Variants in PZP observed in about 807,000 individuals in gnomAD.
PZP encodes the protein PZP alpha-2-macroglobulin like.
In PZP, 150 loss-of-function variants were observed where a neutral mutation model predicts 179.8. The ratio of observed to expected loss-of-function variants is 0.83; its 90% CI spans 0.73 to 0.96. PZP has a LOEUF of 0.96. Ranked by LOEUF, PZP falls within the 40% of genes least tolerant of loss-of-function variation. The probability of loss-of-function intolerance (pLI) is 0.00; values close to 1 mark genes in which losing one functional copy is unlikely to be tolerated. For synonymous variants in PZP, 624 were observed against 652.3 expected (o/e 0.96, Z 0.66); for missense variants, 1,689 against 1,764.0 (o/e 0.96, Z 0.76).
Position 9,159,965 on chromosome 12 carries a change from C to G in PZP, c.3110G>C (p.Arg1037Pro). 2 of 1,613,746 alleles carry G rather than the reference C, an allele frequency of 1.2e-6. No homozygotes were observed. Among genetic ancestry groups the G allele is most frequent in the Non-Finnish European group, 8.5e-7 (1 of 1,179,708 alleles). Reference sequence around the variant, plus strand: ...AGTGTTGCCCTGGTTCCTGCCATATCGTTCCCCAAAGGTGCTGTAGGAGCC... The same window carrying G: ...AGTGTTGCCCTGGTTCCTGCCATATGGTTCCCCAAAGGTGCTGTAGGAGCC... ...QDGSYSTFGE[R>P]YGRNQGNTWL... The change falls in exon 25 of 36, where the codon CGA (arginine) becomes CCA (proline). Residue 1037 changes from arginine (R) to proline (P), a missense_variant. By Grantham distance (103) the Arg-to-Pro change is moderately radical. Coordinates refer to ENST00000261336, the MANE Select transcript of PZP (RefSeq NM_002864.3).
intron 13 of PZP, among the ~76,000 whole-genome samples, chr12:9,186,097 C>T (rs920309238): frequency 1.3e-5 from 2 of 152,040 alleles, no homozygotes; most frequent in African/African-American, 4.8e-5. Flanking sequence ...TGAGCCACTG[C>T]ACCTGGCCAA....
chr12:9,164,393 C>G (rs916229723), intron 19 of PZP, 134 bp from the exon 20 acceptor site: 12 of 965,626 alleles, frequency 1.2e-5, no homozygotes, highest in Non-Finnish European at 1.8e-5. Context: ...ATAGATTCAT[C>G]CATGCTTTAA....
chr12:9,177,108 C>T (rs188252354), intron 15 of PZP, among the ~76,000 whole-genome samples: 10 of 152,290 alleles, frequency 6.6e-5, no homozygotes, highest in African/African-American at 2.2e-4. Flanking sequence ...CATGCCCGAA[C>T]ATTGTTCGTC....
intron 15 of PZP, among the ~76,000 whole-genome samples, chr12:9,171,132 GT>G (rs1941970023): frequency 6.6e-6 from 1 of 152,206 alleles, no homozygotes; most frequent in African/African-American, 2.4e-5. Flanking sequence ...ACAGGATGGA[GT>G]TTCTAGAGGA....
At chr12:9,201,449 A>G (rs1169224103) in intron 4 of PZP, 102 bp from the exon 5 acceptor site, 1 of 878,430 alleles carries the variant, frequency 1.1e-6, no homozygotes, top group Non-Finnish European at 1.8e-6. Context: ...TATTATCTGT[A>G]GCTAAATTCA....
chr12:9,164,240 G>A lies in PZP; in HGVS notation c.2507C>T (p.Ala836Val), dbSNP rs1941424434. Reference sequence around the variant, plus strand: ...TTGGGAAGCTAGGAAGGCTGGAGAGGCTTTCAGCTGCACACTGACCTATCA... The same window carrying A: ...TTGGGAAGCTAGGAAGGCTGGAGAGACTTTCAGCTGCACACTGACCTATCA... The part of the protein sequence containing the change: ...KCIRVSVQLK[A>V]SPAFLASQNT... Residue 836 changes from alanine to valine, a missense_variant, in exon 20 of 36, where the codon GCC becomes GTC. Coordinates refer to ENST00000261336, the MANE Select transcript of PZP (RefSeq NM_002864.3). The A allele has an allele frequency of 1.9e-6, 3 of 1,613,054 alleles. No homozygotes were observed. Among genetic ancestry groups the A allele is most frequent in the Admixed American group, 3.3e-5 (2 of 59,978 alleles).
At chr12:9,173,118 A>G (rs910473550) in intron 15 of PZP, among the ~76,000 whole-genome samples, 1 of 152,246 alleles carries the variant, frequency 6.6e-6, no homozygotes, top group South Asian at 2.1e-4. Context: ...TGAAATCATA[A>G]CAGTCTTTCA....
rs200976933 is a variant in PZP at position 9,152,901 on chromosome 12, A to C, written c.4044T>G (p.Ala1348=). The change falls in exon 31 of 36, where the codon GCT becomes GCG. Residue 1348 remains alanine, a synonymous_variant. Coordinates refer to ENST00000261336, the MANE Select transcript of PZP (RefSeq NM_002864.3). ...ILPEKEDSPF[A]LKVQTVPQTC... is the part of the protein sequence containing the mutation. ...TTTGGGGCACAGTCTGCACTTTTAA[A>C]GCAAATGGGGAGTCCTCTTTCTCTG... 1 of 1,614,162 alleles carries C rather than the reference A, an allele frequency of 6.2e-7. No individual in the cohort carries two copies. Among genetic ancestry groups the C allele is most frequent in the East Asian group, 2.2e-5 (1 of 44,874 alleles).
At chr12:9,203,348 T>TC (rs1289919365) in intron 2 of PZP, among the ~76,000 whole-genome samples, 1 of 148,434 alleles carries the variant, frequency 6.7e-6, no homozygotes, top group Non-Finnish European at 1.5e-5. Context: ...TTTTTTTTTT[T>TC]TTTTTTTTTT....
intron 13 of PZP, among the ~76,000 whole-genome samples, chr12:9,183,979 C>G (rs755901054): frequency 1.3e-5 from 2 of 152,242 alleles, no homozygotes; most frequent in East Asian, 3.9e-4. Context: ...AGCTCCCCTT[C>G]TAAAAGGAAG....
chr12:9,164,010 G>A, intron 20 of PZP, 123 bp downstream of exon 20: 1 of 1,355,394 alleles, frequency 7.4e-7, no homozygotes, highest in Non-Finnish European at 1.0e-6. Flanking sequence ...ATAGAAATAG[G>A]AAAAAAAACT....
At chr12:9,165,934 G>T in intron 18 of PZP, 118 bp downstream of exon 18, 1 of 1,262,094 alleles carries the variant, frequency 7.9e-7, no homozygotes, top group South Asian at 1.5e-5. Flanking sequence ...CTATCCTAAA[G>T]AGGAAGAGGT....
At chr12:9,150,608 C>G (rs769888328) in intron 34 of PZP, 36 bp downstream of exon 34, 5 of 1,378,568 alleles carry the variant, frequency 3.6e-6, no homozygotes, top group Non-Finnish European at 5.1e-6. Context: ...CATTTCTTGG[C>G]TCTGGTTAAG....
chr12:9,203,214 G>A (rs1430045842), intron 2 of PZP, among the ~76,000 whole-genome samples: 1 of 152,036 alleles, frequency 6.6e-6, no homozygotes, highest in East Asian at 1.9e-4. Context: ...GTGGGCAATA[G>A]GATTATTATT....
downstream of PZP, among the ~76,000 whole-genome samples, chr12:9,144,098 T>G (rs1050544294): frequency 2.0e-5 from 3 of 152,080 alleles, no homozygotes; most frequent in Admixed American, 2.0e-4. Flanking sequence ...TTGGCTGGAT[T>G]AGTGTCCAAT....
At chr12:9,179,697 G>A (rs1263297079) in intron 15 of PZP, among the ~76,000 whole-genome samples, 2 of 152,186 alleles carry the variant, frequency 1.3e-5, no homozygotes, top group African/African-American at 4.8e-5. Flanking sequence ...GTGACCAAAA[G>A]TGATTCTATT....
chr12:9,151,159 G>T (rs1940325138), intron 33 of PZP, among the ~76,000 whole-genome samples: 1 of 151,996 alleles, frequency 6.6e-6, no homozygotes, highest in Non-Finnish European at 1.5e-5. Flanking sequence ...TTATTTTATG[G>T]TGACATTTTA....
Position 9,153,204 on chromosome 12 carries a change from A to AT in PZP, c.3913_3914insA (p.Leu1305TyrfsTer84). 6.2e-7 allele frequency: 1 copy of AT among 1,614,190 alleles called. No individual in the cohort carries two copies. The highest frequency in any genetic ancestry group is 8.5e-7 in the Non-Finnish European group (1 of 1,180,020). Reference sequence around the variant, plus strand: ...CTCTGGCAATGAGATCTGCTGCAGTAATAGGAGGTTGTTGTTGTCTACTTG... The same window carrying AT: ...CTCTGGCAATGAGATCTGCTGCAGTATATAGGAGGTTGTTGTTGTCTACTTG... On this transcript the variant is annotated frameshift_variant, in exon 30 of 36. Transcript: ENST00000261336. LOFTEE classifies it high-confidence loss of function.
chr12:9,188,765 A>T (rs183481273), intron 13 of PZP, among the ~76,000 whole-genome samples: 2 of 152,322 alleles, frequency 1.3e-5, no homozygotes, highest in Admixed American at 1.3e-4. Context: ...AATGCAAGCA[A>T]TCCCATTCAC....
Sources: gnomAD v4.1 joint callset for allele counts (sites outside exome capture counted in the v4.1 genomes callset) on GRCh38, gnomAD v4.1.1 for gene constraint, MANE v1.5 for transcripts, NCBI Gene and HGNC (gene_info 2026-07-23, HGNC 2026-07-21) for gene names.